The following WDFY2 variants were observed in gnomAD, a reference collection of about 807,000 sequenced individuals.
WDFY2 encodes WD repeat and FYVE domain-containing protein 2.
Under a neutral mutation model 56.4 loss-of-function variants are expected in WDFY2, and 36 were observed. That is an observed-to-expected ratio of 0.64 (90% CI 0.49 to 0.84). The LOEUF (loss-of-function observed/expected upper bound fraction) is 0.84, where lower values mean the gene tolerates loss of function less well. WDFY2 is among the 40% of genes least tolerant of loss of function. The probability of loss-of-function intolerance (pLI) is 0.00; values close to 1 mark genes in which losing one functional copy is unlikely to be tolerated. For synonymous variants in WDFY2, 176 were observed against 183.7 expected, an observed-to-expected ratio of 0.96 and a Z score of 0.34; for missense variants, 444 against 512.2, an observed-to-expected ratio of 0.87 and a Z score of 1.29.
chr13:51,660,094 G>A (rs1159524133), intron 1 of WDFY2, among the ~76,000 whole-genome samples: 3 of 152,128 alleles, frequency 2.0e-5, no homozygotes, highest in South Asian at 2.1e-4. Flanking sequence ...ATATGTAGAA[G>A]CCGCAAGTTT....
intron 8 of WDFY2, 136 bp downstream of exon 8, chr13:51,751,551 G>A: frequency 1.2e-6 from 1 of 831,038 alleles, no homozygotes; most frequent in South Asian, 1.6e-5. Context: ...AAAAGGAGTT[G>A]TTTGGGTTGT....
At chr13:51,708,908 C>T (rs1462606320) in intron 4 of WDFY2, among the ~76,000 whole-genome samples, 2 of 152,082 alleles carry the variant, frequency 1.3e-5, no homozygotes, top group African/African-American at 4.8e-5. Context: ...AGAACATTAC[C>T]AGGGATAAAG....
intron 2 of WDFY2, among the ~76,000 whole-genome samples, chr13:51,667,039 C>T (rs912301904): frequency 2.6e-5 from 4 of 152,194 alleles, no homozygotes; most frequent in Admixed American, 2.6e-4. Flanking sequence ...GCAAGTCCTT[C>T]ACATTTTCTT....
At chr13:51,665,107 G>A (rs903194223) in intron 2 of WDFY2, among the ~76,000 whole-genome samples, 2 of 152,180 alleles carry the variant, frequency 1.3e-5, no homozygotes, top group African/African-American at 4.8e-5. Flanking sequence ...CACAAAGTCT[G>A]CCTAAGGAAA....
intron 1 of WDFY2, among the ~76,000 whole-genome samples, chr13:51,649,512 T>G (rs1313413464): frequency 2.0e-5 from 3 of 151,834 alleles, no homozygotes; most frequent in Non-Finnish European, 4.4e-5. Context: ...GCCATGTTGG[T>G]GTGCTGCACC....
At chr13:51,612,401 C>T (rs1326299560) in intron 1 of WDFY2, among the ~76,000 whole-genome samples, 1 of 152,124 alleles carries the variant, frequency 6.6e-6, no homozygotes, top group Non-Finnish European at 1.5e-5. Flanking sequence ...ATCTTGTTAC[C>T]AACTTTTCTT....
rs1038518194 is a variant in WDFY2, at chr13:51,640,568, G to A, written c.138-20028G>A. Among the ~76,000 whole-genome samples the A allele has an allele frequency of 2.6e-5, 4 of 152,170 alleles. No individual in the cohort carries two copies. The South Asian group carries it at 8.3e-4, about 32-fold the overall frequency. On this transcript the variant is annotated intron_variant, in intron 1 of 11. Coordinates refer to ENST00000298125, the MANE Select transcript of WDFY2 (RefSeq NM_052950.4). ...TTATCACACAGAGATAAATGAATAG[G>A]CCAGGTGCGGTGGCTCATGCCTATA...
At chr13:51,671,776 CTTTTTTTTTT>C in intron 2 of WDFY2, among the ~76,000 whole-genome samples, 1 of 62,000 alleles carries the variant, frequency 1.6e-5, no homozygotes, top group African/African-American at 7.2e-5. Context: ...GTTGCATTTG[CTTTTTTTTTT>C]TTTTTTTTTT....
intron 1 of WDFY2, among the ~76,000 whole-genome samples, chr13:51,651,768 A>G (rs939900598): frequency 8.6e-5 from 13 of 151,958 alleles, no homozygotes; most frequent in South Asian, 4.1e-4. Context: ...TGATTGCACC[A>G]TGGTCTGAGA....
chr13:51,590,449 G>GA (rs1240695083), intron 1 of WDFY2: 11 of 152,160 alleles, frequency 7.2e-5, no homozygotes, highest in Middle Eastern at 3.2e-3. Context: ...TTGGCTTTGA[G>GA]AAAGCATGGA....
At chr13:51,646,484 A>G (rs1362200302) in intron 1 of WDFY2, among the ~76,000 whole-genome samples, 1 of 152,064 alleles carries the variant, frequency 6.6e-6, no homozygotes, top group Non-Finnish European at 1.5e-5. Context: ...CTTAGCTCTT[A>G]CCTTGCTTTG....
rs56054205 is a variant in WDFY2, at chr13:51,707,939, C to CTTTTTTTTTTTTT, written c.334+4309_334+4321dup. 4.7e-4 allele frequency among the ~76,000 whole-genome samples: 27 copies of CTTTTTTTTTTTTT among 57,560 alleles called. 2 individuals are homozygous for CTTTTTTTTTTTTT. Among genetic ancestry groups the CTTTTTTTTTTTTT allele is most frequent in the African/African-American group, 1.1e-3 (15 of 13,976 alleles). 37.8% of individuals were successfully genotyped at this position (57,560 alleles called of 152,430 possible). A position where few individuals can be genotyped will look rare whatever the true frequency, so the allele number is the denominator to read the frequency against. Reference sequence around the variant, plus strand: ...ATATATACTATTAACCCTAAAACAACTTTTTTTTTTTTTTTTTTTTTTTTT... The same window carrying CTTTTTTTTTTTTT: ...ATATATACTATTAACCCTAAAACAACTTTTTTTTTTTTTTTTTTTTTTTTTTTTTTTTTTTTTT... On this transcript the variant is annotated intron_variant, in intron 4 of 11. Transcript: ENST00000298125.
At chr13:51,710,596 G>A (rs1952190436) in intron 4 of WDFY2, among the ~76,000 whole-genome samples, 1 of 152,086 alleles carries the variant, frequency 6.6e-6, no homozygotes, top group Non-Finnish European at 1.5e-5. Context: ...AAAGTCTCAG[G>A]ATACAAAATA....
At chr13:51,719,039 A>AC (rs1952428679) in intron 4 of WDFY2, among the ~76,000 whole-genome samples, 159 bp from the exon 5 acceptor site, 2 of 151,982 alleles carry the variant, frequency 1.3e-5, no homozygotes, top group Non-Finnish European at 2.9e-5. Context: ...AATACCCCCA[A>AC]CCCCCACGAG....
chr13:51,743,249 T>A (rs974480770), intron 7 of WDFY2, among the ~76,000 whole-genome samples: 4 of 152,224 alleles, frequency 2.6e-5, no homozygotes, highest in Admixed American at 2.6e-4. Flanking sequence ...TAGAATCTTC[T>A]CAAAGACAGA....
chr13:51,720,528 C>G (rs1281497213), intron 5 of WDFY2, among the ~76,000 whole-genome samples: 1 of 152,224 alleles, frequency 6.6e-6, no homozygotes, highest in African/African-American at 2.4e-5. Context: ...AATACATGAA[C>G]TCTCTTGCCA....
intron 1 of WDFY2, among the ~76,000 whole-genome samples, chr13:51,644,437 C>T (rs1955229826): frequency 6.6e-6 from 1 of 152,128 alleles, no homozygotes. Context: ...ATTTTAAAAA[C>T]ACTGAAAATG....
At chr13:51,727,612 C>G in intron 5 of WDFY2, 66 bp from the exon 6 acceptor site, 1 of 1,464,468 alleles carries the variant, frequency 6.8e-7, no homozygotes, top group South Asian at 1.2e-5. Flanking sequence ...ACATTTATGC[C>G]CTGTTTTTTC....
At chr13:51,756,285 G>T (rs1302203594) in intron 9 of WDFY2, 47 bp from the exon 10 acceptor site, 9 of 1,577,056 alleles carry the variant, frequency 5.7e-6, no homozygotes, top group Non-Finnish European at 7.8e-6. Flanking sequence ...GGGGCCTCAG[G>T]AGCTGAGGGA....
Sources: gnomAD v4.1 joint callset for allele counts (sites outside exome capture counted in the v4.1 genomes callset) on GRCh38, gnomAD v4.1.1 for gene constraint, MANE v1.5 for transcripts, NCBI Gene and HGNC (gene_info 2026-07-23, HGNC 2026-07-21) for gene names.